The following MAPKAPK5 variants were observed in gnomAD, a reference collection of about 807,000 sequenced individuals.
MAPKAPK5 encodes MAP kinase-activated protein kinase 5.
In MAPKAPK5, 30 loss-of-function variants were observed where a neutral mutation model predicts 65.1. The observed-to-expected ratio is 0.46, with a 90% confidence interval of 0.34 to 0.63. The LOEUF is 0.63. Ranked by LOEUF, MAPKAPK5 falls within the 20% of genes least tolerant of loss-of-function variation. The pLI, the probability that MAPKAPK5 is intolerant of heterozygous loss-of-function variation, is 0.01. For missense variants in MAPKAPK5, 433 were observed against 581.4 expected, an observed-to-expected ratio of 0.74 and a Z score of 2.63; for synonymous variants, 179 against 204.6, an observed-to-expected ratio of 0.87 and a Z score of 1.07.
intron 1 of MAPKAPK5, among the ~76,000 whole-genome samples, chr12:111,847,659 A>G (rs1462340771): frequency 6.6e-6 from 1 of 152,218 alleles, no homozygotes; most frequent in Admixed American, 6.5e-5. Flanking sequence ...TGTACAGTTC[A>G]GTACATTCAG....
chr12:111,882,733 C>G, intron 8 of MAPKAPK5: 1 of 870,164 alleles, frequency 1.1e-6, no homozygotes, highest in Non-Finnish European at 1.4e-6. Flanking sequence ...GCAAATGGAC[C>G]TAGTGAGTCC....
Position 111,900,320 on chromosome 12 carries a change from C to A in MAPKAPK5, c.*7259C>A, listed in dbSNP as rs1349650705. ...GTTTTGCGGCAGCTGTTGAATCCTT[C>A]CATCATGAAGATGTGCTGTTGTTTG... On this transcript the variant is annotated 3_prime_UTR_variant, in exon 14 of 14. Coordinates refer to ENST00000550735, the MANE Select transcript of MAPKAPK5 (RefSeq NM_003668.4). 2.2e-6 allele frequency: 1 copy of A among 456,082 alleles called. No homozygotes were observed. The allele number at this position is 456,082 out of a possible 1,614,324, so 28.3% of individuals were successfully genotyped here.
At chr12:111,888,713 T>A in intron 11 of MAPKAPK5, 95 bp downstream of exon 11, 2 of 1,554,620 alleles carry the variant, frequency 1.3e-6, no homozygotes, top group Non-Finnish European at 1.7e-6. Context: ...CAGCTAGGGG[T>A]CTTTAGCCTC....
At chr12:111,870,396 A>G (rs1397906029) in intron 6 of MAPKAPK5, 36 bp downstream of exon 6, 4 of 1,544,006 alleles carry the variant, frequency 2.6e-6, no homozygotes, top group African/African-American at 2.7e-5. Flanking sequence ...TAGTGCTGCA[A>G]CTCTTAACAT....
At chr12:111,881,914 A>T (rs1349494160) in intron 8 of MAPKAPK5, among the ~76,000 whole-genome samples, 1 of 152,216 alleles carries the variant, frequency 6.6e-6, no homozygotes, top group Non-Finnish European at 1.5e-5. Flanking sequence ...TGGTGAGGTC[A>T]CTTGGTTTCA....
intron 1 of MAPKAPK5, among the ~76,000 whole-genome samples, chr12:111,846,865 A>T (rs1321014546): frequency 6.6e-6 from 1 of 152,170 alleles, no homozygotes; most frequent in Non-Finnish European, 1.5e-5. Flanking sequence ...TGCCTGGGAC[A>T]TGAATCATCC....
chr12:111,870,787 T>C (rs1206147681), intron 6 of MAPKAPK5, among the ~76,000 whole-genome samples: 30 of 152,178 alleles, frequency 2.0e-4, no homozygotes, highest in Admixed American at 2.0e-3. Flanking sequence ...TGAGAGGTGA[T>C]GGGCTTATAG....
chr12:111,847,316 C>T (rs924612218), intron 1 of MAPKAPK5, among the ~76,000 whole-genome samples: 1 of 150,712 alleles, frequency 6.6e-6, no homozygotes, highest in African/African-American at 2.5e-5. Flanking sequence ...CCACTGTACT[C>T]CAGCCTGGGC....
intron 1 of MAPKAPK5, among the ~76,000 whole-genome samples, chr12:111,863,606 A>ATT (rs56871695): frequency 1.7e-4 from 23 of 137,060 alleles, no homozygotes; most frequent in East Asian, 8.6e-4. Flanking sequence ...ATGGATTTTG[A>ATT]TTTTTTTTTT....
intron 2 of MAPKAPK5, among the ~76,000 whole-genome samples, chr12:111,865,574 A>T (rs904832143): frequency 6.6e-6 from 1 of 152,092 alleles, no homozygotes; most frequent in African/African-American, 2.4e-5. Context: ...GCGGTGGCTC[A>T]TGCCTGTTAT....
intron 13 of MAPKAPK5, among the ~76,000 whole-genome samples, chr12:111,892,140 T>C (rs2070636993): frequency 6.6e-6 from 1 of 152,252 alleles, no homozygotes. Flanking sequence ...ATGTTGTGTG[T>C]AGCAGCAGAT....
At chr12:111,850,899 CTTT>C (rs1028992831) in intron 1 of MAPKAPK5, among the ~76,000 whole-genome samples, 11 of 126,078 alleles carry the variant, frequency 8.7e-5, no homozygotes, top group Non-Finnish European at 6.8e-5. Flanking sequence ...AACCCATTTT[CTTT>C]TTTTTTTTTT....
chr12:111,889,982 A>G, intron 12 of MAPKAPK5, 58 bp from the exon 13 acceptor site: 2 of 1,104,274 alleles, frequency 1.8e-6, no homozygotes, highest in Non-Finnish European at 2.7e-6. Context: ...CATCTCTCAC[A>G]CTAAAACCCC....
At chr12:111,844,443 G>A (rs998466682) in intron 1 of MAPKAPK5, among the ~76,000 whole-genome samples, 2 of 152,206 alleles carry the variant, frequency 1.3e-5, no homozygotes, top group East Asian at 1.9e-4. Context: ...TGCCCGCCTC[G>A]GCCTCCCAAA....
intron 1 of MAPKAPK5, among the ~76,000 whole-genome samples, chr12:111,852,458 A>G (rs2136075764): frequency 6.6e-6 from 1 of 152,324 alleles, no homozygotes; most frequent in South Asian, 2.1e-4. Context: ...GATTTTCTTA[A>G]TAACATTTTT....
intron 1 of MAPKAPK5, among the ~76,000 whole-genome samples, chr12:111,858,388 C>G (rs2069315977): frequency 6.6e-6 from 1 of 152,064 alleles, no homozygotes; most frequent in Non-Finnish European, 1.5e-5. Context: ...TTTGGCTCTC[C>G]CATTACACAT....
intron 1 of MAPKAPK5, among the ~76,000 whole-genome samples, chr12:111,860,812 G>A (rs2069413148): frequency 6.6e-6 from 1 of 151,726 alleles, no homozygotes; most frequent in Non-Finnish European, 1.5e-5. Flanking sequence ...CCATTGTGGC[G>A]AGGAATTGCC....
At chr12:111,862,675 G>C (rs1217553013) in intron 1 of MAPKAPK5, among the ~76,000 whole-genome samples, 1 of 152,144 alleles carries the variant, frequency 6.6e-6, no homozygotes, top group African/African-American at 2.4e-5. Context: ...CTGGGCGACA[G>C]AGCAATACTC....
chr12:111,856,000 CATA>C lies in MAPKAPK5; in HGVS notation c.37-9249_37-9247del. 2.6e-5 allele frequency among the ~76,000 whole-genome samples: 4 copies of C among 151,864 alleles called. No homozygotes were observed. In the South Asian group the frequency reaches 6.2e-4, roughly 24 times the overall value. ...CCTCCCGAGTAGCTGGGATTACAGG[CATA>C]CACCACCATGCCTGGCTAATTTTGT... On this transcript the variant is annotated intron_variant, in intron 1 of 13. Transcript: ENST00000550735.
Sources: allele counts gnomAD v4.1 joint callset (sites outside exome capture counted in the v4.1 genomes callset), GRCh38; gene constraint gnomAD v4.1.1; transcripts MANE v1.5; gene names NCBI Gene and HGNC (gene_info 2026-07-23, HGNC 2026-07-21).